The following RIN2 variants were observed in gnomAD, a reference collection of about 807,000 sequenced individuals.
RIN2 encodes the protein Ras and Rab interactor 2.
RIN2 carries 36 observed loss-of-function variants against 78.0 expected under a neutral mutation model. That is an observed-to-expected ratio of 0.46 (90% confidence interval 0.35 to 0.61). The LOEUF (loss-of-function observed/expected upper bound fraction) is 0.61, where lower values mean the gene tolerates loss of function less well. RIN2 is among the 20% of genes least tolerant of loss of function. RIN2 has a pLI of 0.00. For missense variants in RIN2, 1,087 were observed against 1,159.7 expected, an observed-to-expected ratio of 0.94 and a Z score of 0.91; for synonymous variants, 466 against 466.8, an observed-to-expected ratio of 1.00 and a Z score of 0.02.
chr20:19,795,501 T>C (rs1191430489), intron 1 of RIN2, among the ~76,000 whole-genome samples: 1 of 152,124 alleles, frequency 6.6e-6, no homozygotes, highest in Non-Finnish European at 1.5e-5. Context: ...ACTGAAGCAA[T>C]ATTAATGAAA....
At chr20:19,887,880 G>A (rs922235915) in intron 2 of RIN2, among the ~76,000 whole-genome samples, 4 of 152,186 alleles carry the variant, frequency 2.6e-5, no homozygotes, top group African/African-American at 9.6e-5. Flanking sequence ...AACAGGGTAT[G>A]CTTTTTTATT....
At position 19,956,621 on chromosome 20, in the gene RIN2, A is replaced by G. The variant is rs2041552082; in HGVS notation, c.165A>G (p.Val55=). 1 of 1,613,184 alleles carries G rather than the reference A, an allele frequency of 6.2e-7. No homozygotes were observed. ...CCGCTTCTCTTTCTCCTAGCATGGT[A>G]AGACACAAGGATGGTGGCTATTCCG... The part of the protein sequence containing the change: ...GLEPAETHSM[V]RHKDGGYSEE... The change falls in exon 5 of 13, where the codon GTA becomes GTG. Residue 55 remains valine (V), a synonymous_variant. Transcript: ENST00000255006.
chr20:19,922,904 C>A (rs1405350258), intron 3 of RIN2, among the ~76,000 whole-genome samples: 1 of 152,196 alleles, frequency 6.6e-6, no homozygotes, highest in Non-Finnish European at 1.5e-5. Flanking sequence ...CTCAGCCCTC[C>A]CCCCACCAGC....
intron 2 of RIN2, among the ~76,000 whole-genome samples, chr20:19,875,815 T>A (rs576883425): frequency 6.6e-6 from 1 of 152,052 alleles, no homozygotes; most frequent in South Asian, 2.1e-4. Flanking sequence ...AGACAGACAG[T>A]GGGGATGCAC....
At chr20:19,765,656 C>A (rs2122340332) in intron 1 of RIN2, among the ~76,000 whole-genome samples, 1 of 152,248 alleles carries the variant, frequency 6.6e-6, no homozygotes, top group East Asian at 1.9e-4. Context: ...AATTCAAGTT[C>A]TTTGTTGCTT....
At chr20:19,844,132 G>A (rs2036662672) in intron 2 of RIN2, among the ~76,000 whole-genome samples, 1 of 152,106 alleles carries the variant, frequency 6.6e-6, no homozygotes, top group Admixed American at 6.5e-5. Context: ...AAATGATGTT[G>A]GTGGAGTGTT....
intron 2 of RIN2, among the ~76,000 whole-genome samples, chr20:19,853,233 T>C (rs531453615): frequency 6.5e-4 from 99 of 152,162 alleles, no homozygotes; most frequent in African/African-American, 2.1e-3. Flanking sequence ...TATGGCTGCA[T>C]AGTATTCCAT....
chr20:19,802,314 A>T (rs1013714058), intron 2 of RIN2, among the ~76,000 whole-genome samples: 1 of 152,168 alleles, frequency 6.6e-6, no homozygotes, highest in South Asian at 2.1e-4. Context: ...GGTGACCTAC[A>T]TGCTTGGCAG....
rs780096061 is a variant in RIN2, at chr20:19,974,933, G to T, written c.908G>T (p.Arg303Leu). 9.3e-6 allele frequency: 15 copies of T among 1,613,486 alleles called. No individual in the cohort carries two copies. The highest frequency in any genetic ancestry group is 1.6e-4 in the Middle Eastern group (1 of 6,082). ...TRTPNANGTE[R>L]TRSPPPRPPP... ...ACTCCCAACGCGAATGGCACGGAGC[G>T]GACTCGGTCCCCCCCACCCAGGCCC... Residue 303 changes from arginine (R) to leucine (L), a missense_variant, in exon 9 of 13, where the codon CGG becomes CTG. Arg to Leu is a moderately radical substitution (Grantham distance 102). This residue lies in a region of RIN2 where 706 missense variants were observed against 667.5 expected (regional missense o/e 1.06). Coordinates refer to ENST00000255006, the MANE Select transcript of RIN2 (RefSeq NM_018993.4).
At chr20:19,881,389 AG>A (rs1199389537) in intron 2 of RIN2, among the ~76,000 whole-genome samples, 1 of 152,168 alleles carries the variant, frequency 6.6e-6, no homozygotes, top group African/African-American at 2.4e-5. Flanking sequence ...CTGATGGTGA[AG>A]GGGAAAGTTT....
chr20:19,972,707 G>A (rs1319685332), intron 8 of RIN2, among the ~76,000 whole-genome samples: 1 of 152,160 alleles, frequency 6.6e-6, no homozygotes, highest in East Asian at 1.9e-4. Flanking sequence ...TTATATGGGA[G>A]ATAGATATAC....
intron 1 of RIN2, among the ~76,000 whole-genome samples, chr20:19,758,571 C>G (rs6136828): frequency 0.019 from 2,958 of 152,242 alleles, 189 homozygotes; most frequent in Admixed American, 0.12. Flanking sequence ...TTCCGGAGCG[C>G]GAGGTGGCCG....
intron 2 of RIN2, among the ~76,000 whole-genome samples, chr20:19,860,884 A>G (rs569845514): frequency 8.5e-5 from 13 of 152,368 alleles, no homozygotes; most frequent in Admixed American, 7.2e-4. Flanking sequence ...TGAACGAAGA[A>G]AAAAGCCATA....
At chr20:19,902,907 C>T (rs929111437) in intron 3 of RIN2, among the ~76,000 whole-genome samples, 7 of 152,040 alleles carry the variant, frequency 4.6e-5, no homozygotes, top group Admixed American at 1.3e-4. Context: ...TCCTGGCTAA[C>T]GCGGTGAAAC....
chr20:19,808,881 G>A (rs751890893), intron 2 of RIN2, among the ~76,000 whole-genome samples: 3 of 152,200 alleles, frequency 2.0e-5, no homozygotes, highest in Admixed American at 6.5e-5. Context: ...GTCAGGAGAC[G>A]ACATGCAGTG....
At chr20:19,815,617 A>G (rs929452729) in intron 2 of RIN2, among the ~76,000 whole-genome samples, 2 of 152,146 alleles carry the variant, frequency 1.3e-5, no homozygotes, top group African/African-American at 4.8e-5. Context: ...TGATGCGTGC[A>G]TGTGTGTGGT....
At chr20:19,907,613 G>A (rs1470395318) in intron 3 of RIN2, among the ~76,000 whole-genome samples, 2 of 152,238 alleles carry the variant, frequency 1.3e-5, no homozygotes, top group Non-Finnish European at 2.9e-5. Context: ...CTGAGCTCAG[G>A]AAGGAAGAGG....
chr20:19,967,192 C>T (rs2041967235), intron 7 of RIN2, among the ~76,000 whole-genome samples: 1 of 152,134 alleles, frequency 6.6e-6, no homozygotes, highest in Admixed American at 6.5e-5. Context: ...TTTGAAGATG[C>T]AAGGAGATAA....
chr20:19,774,799 A>G (rs2034257169), intron 1 of RIN2, among the ~76,000 whole-genome samples: 1 of 152,260 alleles, frequency 6.6e-6, no homozygotes, highest in Admixed American at 6.5e-5. Flanking sequence ...TGCTGATCAC[A>G]GACAGCATTT....
Sources: allele counts gnomAD v4.1 joint callset (sites outside exome capture counted in the v4.1 genomes callset), GRCh38; gene constraint gnomAD v4.1.1; regional missense constraint gnomAD v4.1.1; transcripts MANE v1.5; gene names NCBI Gene and HGNC (gene_info 2026-07-23, HGNC 2026-07-21).